The following TENM2 variants were observed in gnomAD, a reference collection of about 807,000 sequenced individuals.
TENM2 encodes the protein teneurin transmembrane protein 2.
A neutral mutation model predicts 245.2 loss-of-function variants in TENM2; 52 were observed. That is an observed-to-expected ratio of 0.21 (90% CI 0.17 to 0.27). The LOEUF is 0.27. Among genes scored for constraint, TENM2 ranks in the 10% least tolerant of loss-of-function variants. TENM2 has a pLI of 1.00. For missense variants in TENM2, 3,046 were observed against 3,666.8 expected, an observed-to-expected ratio of 0.83 and a Z score of 4.37; for synonymous variants, 1,363 against 1,438.9, an observed-to-expected ratio of 0.95 and a Z score of 1.19.
chr5:168,144,643 A>G (rs370434198), intron 12 of TENM2, among the ~76,000 whole-genome samples: 9 of 151,434 alleles, frequency 5.9e-5, no homozygotes, highest in East Asian at 1.9e-4. Context: ...ATAAACATAC[A>G]TGTGCATGTG....
rs554803543 is a variant in TENM2 at position 168,199,682 on chromosome 5, T to C, written c.3163-182T>C. On this transcript the variant is annotated intron_variant, in intron 16 of 28. Coordinates refer to ENST00000518659, the Ensembl canonical transcript of TENM2. ...AATCATAACCTCAGCCCCATCACTC[T>C]ATGGTGGAAGATAAAGTTTTTGTTG... is the stretch of plus-strand genomic sequence containing the variant. Among the ~76,000 whole-genome samples the C allele has an allele frequency of 1.8e-3, 279 of 152,342 alleles. 1 individual carries two copies. Among genetic ancestry groups the C allele is most frequent in the Non-Finnish European group, 3.4e-3 (230 of 68,042 alleles).
chr5:167,929,139 AAGGG>A (rs1185482027), intron 3 of TENM2, among the ~76,000 whole-genome samples: 34 of 138,754 alleles, frequency 2.5e-4, no homozygotes, highest in South Asian at 1.1e-3. Flanking sequence ...GAAAAGAAAG[AAGGG>A]AGGGAGGGAG....
At chr5:168,093,551 C>T (rs1793125001) in intron 8 of TENM2, among the ~76,000 whole-genome samples, 1 of 152,116 alleles carries the variant, frequency 6.6e-6, no homozygotes, top group South Asian at 2.1e-4. Flanking sequence ...TAGACAGGTG[C>T]CTACCAGCGA....
At chr5:167,939,936 A>G (rs1779041252) in intron 3 of TENM2, among the ~76,000 whole-genome samples, 1 of 152,190 alleles carries the variant, frequency 6.6e-6, no homozygotes, top group Non-Finnish European at 1.5e-5. Flanking sequence ...CCTGTTAGTC[A>G]GAGTTTGGAA....
At chr5:168,020,565 T>C (rs566335159) in intron 5 of TENM2, among the ~76,000 whole-genome samples, 1 of 152,308 alleles carries the variant, frequency 6.6e-6, no homozygotes, top group African/African-American at 2.4e-5. Flanking sequence ...TGAGAGCCAT[T>C]TGATTTTTCA....
intron 2 of TENM2, among the ~76,000 whole-genome samples, chr5:167,437,754 G>C (rs1764648298): frequency 6.6e-6 from 1 of 152,116 alleles, no homozygotes; most frequent in Admixed American, 6.6e-5. Context: ...CACGAGATCT[G>C]ATGATTTGAA....
intron 27 of TENM2, among the ~76,000 whole-genome samples, chr5:168,255,488 T>G (rs1028680598): frequency 2.0e-5 from 3 of 152,188 alleles, no homozygotes; most frequent in Admixed American, 2.0e-4. Flanking sequence ...ATATCTTTAG[T>G]AGAGACGGGC....
At chr5:167,146,462 A>G in the TENM2 span, among the ~76,000 whole-genome samples, 2 of 152,184 alleles carry the variant, frequency 1.3e-5, no homozygotes, top group Non-Finnish European at 2.9e-5. Context: ...TTAACGGTTA[A>G]GAAACAGTGT....
the TENM2 span, among the ~76,000 whole-genome samples, chr5:167,074,167 T>C: frequency 6.6e-6 from 1 of 152,242 alleles, no homozygotes; most frequent in African/African-American, 2.4e-5. Flanking sequence ...AGCTACAGCA[T>C]ATTTTTAGTA....
At chr5:167,405,883 G>T (rs1240963461) in intron 2 of TENM2, among the ~76,000 whole-genome samples, 1 of 151,846 alleles carries the variant, frequency 6.6e-6, no homozygotes, top group East Asian at 1.9e-4. Flanking sequence ...CAGAAATAAT[G>T]TGATTGATTT....
intron 2 of TENM2, among the ~76,000 whole-genome samples, chr5:167,678,962 A>C (rs1036894104): frequency 6.6e-6 from 1 of 152,130 alleles, no homozygotes; most frequent in African/African-American, 2.4e-5. Context: ...CGATCTCTTT[A>C]TTCTCGCCAT....
At chr5:167,275,535 C>G in the TENM2 span, among the ~76,000 whole-genome samples, 1 of 151,996 alleles carries the variant, frequency 6.6e-6, no homozygotes, top group African/African-American at 2.4e-5. Context: ...TAATTTCTTT[C>G]ATCAGTGTTG....
intron 2 of TENM2, among the ~76,000 whole-genome samples, chr5:167,638,559 A>T (rs367883423): frequency 6.6e-4 from 101 of 152,360 alleles, no homozygotes; most frequent in African/African-American, 2.3e-3. Flanking sequence ...AAGGATTAGA[A>T]GACAGAGTGT....
chr5:167,610,148 A>C (rs1777373954), intron 2 of TENM2, among the ~76,000 whole-genome samples: 1 of 152,136 alleles, frequency 6.6e-6, no homozygotes, highest in African/African-American at 2.4e-5. Flanking sequence ...AAGGATACAG[A>C]CAAACAGCCA....
chr5:167,749,656 T>C (rs772477238), intron 2 of TENM2, among the ~76,000 whole-genome samples: 10 of 149,726 alleles, frequency 6.7e-5, no homozygotes, highest in Non-Finnish European at 1.0e-4. Context: ...AAAAAATCAA[T>C]GGGAAGAGAG....
At chr5:167,054,560 G>A in the TENM2 span, among the ~76,000 whole-genome samples, 22 of 152,236 alleles carry the variant, frequency 1.4e-4, 1 homozygote, top group East Asian at 3.7e-3. Flanking sequence ...GAGTGTGAGT[G>A]TTGAATCATA....
At chr5:167,285,149 C>A in intron 1 of TENM2, 86 bp downstream of exon 3, 2 of 1,083,238 alleles carry the variant, frequency 1.8e-6, no homozygotes, top group Non-Finnish European at 2.7e-6. Flanking sequence ...GGAGATCCAG[C>A]ATGGTGGTTT....
intron 9 of TENM2, among the ~76,000 whole-genome samples, chr5:168,102,053 T>TTTTGTG (rs561699970): frequency 1.2e-3 from 180 of 151,104 alleles, no homozygotes; most frequent in African/African-American, 4.0e-3. Flanking sequence ...TTTTTTGTTT[T>TTTTGTG]TGTGTGTGTG....
At chr5:167,785,293 G>A (rs1764496627) in intron 2 of TENM2, among the ~76,000 whole-genome samples, 1 of 152,192 alleles carries the variant, frequency 6.6e-6, no homozygotes, top group Non-Finnish European at 1.5e-5. Flanking sequence ...AGTGCCACAG[G>A]AAGATGAATC....
Sources: allele counts gnomAD v4.1 joint callset (sites outside exome capture counted in the v4.1 genomes callset), GRCh38; gene constraint gnomAD v4.1.1; transcripts MANE v1.5; gene names NCBI Gene and HGNC (gene_info 2026-07-23, HGNC 2026-07-21).